Variants in SLC25A12 observed in about 807,000 individuals in gnomAD.
The protein encoded by SLC25A12 is solute carrier family 25 member 12.
SLC25A12 carries 32 observed loss-of-function variants against 83.3 expected under a neutral mutation model. The ratio of observed to expected loss-of-function variants is 0.38; its 90% confidence interval spans 0.29 to 0.52. The LOEUF (loss-of-function observed/expected upper bound fraction) is 0.52, where lower values mean the gene tolerates loss of function less well. Ranked by LOEUF, SLC25A12 falls within the 20% of genes least tolerant of loss-of-function variation. The pLI, the probability that SLC25A12 is intolerant of heterozygous loss-of-function variation, is 0.84. For synonymous variants in SLC25A12, 267 were observed against 291.1 expected (o/e 0.92, Z 0.84); for missense variants, 611 against 835.6 (o/e 0.73, Z 3.31).
chr2:171,815,062 C>T (rs1465169468), intron 10 of SLC25A12, 59 bp downstream of exon 10: 2 of 1,367,574 alleles, frequency 1.5e-6, no homozygotes, highest in Non-Finnish European at 2.1e-6. Flanking sequence ...CTGCCTCAGT[C>T]TGGTGAGATA....
chr2:171,804,677 G>A (rs1683785703), intron 13 of SLC25A12, among the ~76,000 whole-genome samples: 1 of 152,206 alleles, frequency 6.6e-6, no homozygotes, highest in Non-Finnish European at 1.5e-5. Flanking sequence ...TTTGGGAGGA[G>A]GAGGCAGAAG....
chr2:171,881,866 T>C (rs1407313401), intron 2 of SLC25A12, among the ~76,000 whole-genome samples: 2 of 151,628 alleles, frequency 1.3e-5, no homozygotes, highest in Non-Finnish European at 2.9e-5. Flanking sequence ...GAAAAGAAGA[T>C]GGGGAGAGGA....
chr2:171,859,427 G>C (rs1159097722), intron 3 of SLC25A12, among the ~76,000 whole-genome samples: 1 of 152,168 alleles, frequency 6.6e-6, no homozygotes, highest in East Asian at 1.9e-4. Context: ...AGCTGTGATT[G>C]TGCCACTGCA....
intron 4 of SLC25A12, among the ~76,000 whole-genome samples, chr2:171,854,116 G>A (rs900297691): frequency 8.5e-5 from 13 of 152,228 alleles, no homozygotes; most frequent in African/African-American, 2.4e-4. Flanking sequence ...ATTACTAGTA[G>A]TGCATGGTTA....
At chr2:171,851,839 T>A (rs902200911) in intron 4 of SLC25A12, among the ~76,000 whole-genome samples, 1 of 152,144 alleles carries the variant, frequency 6.6e-6, no homozygotes, top group African/African-American at 2.4e-5. Flanking sequence ...CCGGCCTTTT[T>A]TTCAATTTGG....
intron 3 of SLC25A12, among the ~76,000 whole-genome samples, chr2:171,862,613 G>A (rs558383617): frequency 2.6e-5 from 4 of 152,250 alleles, no homozygotes; most frequent in Non-Finnish European, 4.4e-5. Flanking sequence ...ACAAAAGAGC[G>A]TGTTTCAACC....
chr2:171,845,810 T>C, intron 4 of SLC25A12: 1 of 455,384 alleles, frequency 2.2e-6, no homozygotes, highest in Non-Finnish European at 4.4e-6. Flanking sequence ...ACTGGGGAGA[T>C]GGGATTCTCA....
At chr2:171,889,216 T>C (rs1685882707) in intron 2 of SLC25A12, among the ~76,000 whole-genome samples, 1 of 152,168 alleles carries the variant, frequency 6.6e-6, no homozygotes, top group Non-Finnish European at 1.5e-5. Flanking sequence ...TTTAACTTAG[T>C]GAGATACATT....
chr2:171,835,799 C>CT (rs1398609847), intron 6 of SLC25A12, among the ~76,000 whole-genome samples: 1 of 151,870 alleles, frequency 6.6e-6, no homozygotes, highest in African/African-American at 2.4e-5. Flanking sequence ...CCCACCACCC[C>CT]TCACACACAT....
chr2:171,859,656 G>C (rs997883673), intron 3 of SLC25A12, among the ~76,000 whole-genome samples: 2 of 152,178 alleles, frequency 1.3e-5, no homozygotes, highest in African/African-American at 4.8e-5. Flanking sequence ...GTGGAGTACT[G>C]GTTATCAGGG....
At chr2:171,849,520 T>C (rs1325120884) in intron 4 of SLC25A12, among the ~76,000 whole-genome samples, 2 of 134,940 alleles carry the variant, frequency 1.5e-5, no homozygotes, top group African/African-American at 5.8e-5. Context: ...TTTATGAAAG[T>C]CTTTGTCTGT....
chr2:171,838,247 G>A (rs1684599387), intron 5 of SLC25A12, among the ~76,000 whole-genome samples: 1 of 152,092 alleles, frequency 6.6e-6, no homozygotes, highest in African/African-American at 2.4e-5. Context: ...AACTTTTCAT[G>A]ACATTAAAAG....
chr2:171,888,959 C>A (rs984619928), intron 2 of SLC25A12, among the ~76,000 whole-genome samples: 5 of 151,964 alleles, frequency 3.3e-5, no homozygotes, highest in African/African-American at 1.2e-4. Flanking sequence ...CTCAAGTGAC[C>A]CCAAAATCCT....
At chr2:171,836,802 T>C (rs1410339720) in intron 6 of SLC25A12, among the ~76,000 whole-genome samples, 1 of 152,136 alleles carries the variant, frequency 6.6e-6, no homozygotes, top group African/African-American at 2.4e-5. Flanking sequence ...CTTGTTTCCC[T>C]TGAACTGGAC....
rs7603734 is a variant in SLC25A12 at position 171,831,791 on chromosome 2, C to T, written c.845+2172G>A. On this transcript the variant is annotated intron_variant, in intron 8 of 17. Coordinates refer to ENST00000422440, the MANE Select transcript of SLC25A12 (RefSeq NM_003705.5). Reference sequence around the variant, plus strand: ...GTACGCACCTGTAGTCCCAGCTACTCGGGAGGCTGAGGCACAAGAATCGCT... The same window carrying T: ...GTACGCACCTGTAGTCCCAGCTACTTGGGAGGCTGAGGCACAAGAATCGCT... Among the ~76,000 whole-genome samples, 688 of 151,674 alleles carry T rather than the reference C, an allele frequency of 4.5e-3. 6 individuals carry two copies. Among genetic ancestry groups the T allele is most frequent in the African/African-American group, 0.016 (644 of 41,366 alleles).
In SLC25A12 at chr2:171,793,612, C is replaced by A; in HGVS notation, c.1446+15G>T. 8 of 1,613,680 alleles carry A rather than the reference C, an allele frequency of 5.0e-6. No homozygotes were observed. The highest frequency in any genetic ancestry group is 5.9e-6 in the Non-Finnish European group (7 of 1,179,614). ...TCATATTTTATTGAGTACATTATAA[C>A]CTAAACCTACCCACCTTATACAGAC... On this transcript the variant is annotated intron_variant, in intron 14 of 17. Transcript: ENST00000422440.
chr2:171,857,986 T>C (rs1685080774), intron 3 of SLC25A12, among the ~76,000 whole-genome samples: 2 of 152,114 alleles, frequency 1.3e-5, no homozygotes, highest in Admixed American at 6.6e-5. Flanking sequence ...TAATGAGTCC[T>C]ATTATACTCA....
chr2:171,873,311 G>A (rs1331007383), intron 2 of SLC25A12, among the ~76,000 whole-genome samples: 1 of 152,034 alleles, frequency 6.6e-6, no homozygotes, highest in Non-Finnish European at 1.5e-5. Context: ...AGCTAGGTGT[G>A]GTGGCACGCA....
At chr2:171,852,605 A>G (rs190654024) in intron 4 of SLC25A12, 1 of 441,430 alleles carries the variant, frequency 2.3e-6, no homozygotes, top group Admixed American at 2.6e-5. Flanking sequence ...TTACCTAAAC[A>G]TGTGCCTATA....
Sources: gnomAD v4.1 joint callset for allele counts (sites outside exome capture counted in the v4.1 genomes callset) on GRCh38, gnomAD v4.1.1 for gene constraint, MANE v1.5 for transcripts, NCBI Gene and HGNC (gene_info 2026-07-23, HGNC 2026-07-21) for gene names.